The following RGS3 variants were observed in gnomAD, a reference collection of about 807,000 sequenced individuals.
RGS3 encodes the protein regulator of G-protein signalling 3.
A neutral mutation model predicts 132.6 loss-of-function variants in RGS3; 80 were observed. The observed-to-expected ratio is 0.60, with a 90% confidence interval of 0.50 to 0.73. The LOEUF is 0.73. RGS3 is among the 30% of genes least tolerant of loss of function. RGS3 has a pLI of 0.00. For synonymous variants in RGS3, 598 were observed against 620.6 expected, an observed-to-expected ratio of 0.96 and a Z score of 0.54; for missense variants, 1,382 against 1,530.8, an observed-to-expected ratio of 0.90 and a Z score of 1.62.
chr9:113,511,044 A>G (rs886629368), intron 14 of RGS3, among the ~76,000 whole-genome samples: 1 of 152,144 alleles, frequency 6.6e-6, no homozygotes, highest in Non-Finnish European at 1.5e-5. Context: ...CCTGAGTTGA[A>G]TAGGAGGGAG....
intron 7 of RGS3, among the ~76,000 whole-genome samples, chr9:113,495,165 G>T (rs568748533): frequency 1.3e-5 from 2 of 152,132 alleles, no homozygotes; most frequent in Non-Finnish European, 2.9e-5. Flanking sequence ...GTGAGCCACC[G>T]TGCCCAGCTG....
At chr9:113,535,771 C>G (rs941358316) in intron 18 of RGS3, among the ~76,000 whole-genome samples, 2 of 152,050 alleles carry the variant, frequency 1.3e-5, no homozygotes, top group East Asian at 3.8e-4. Context: ...TGGCTGAGTT[C>G]ATCTAATCGC....
chr9:113,454,479 A>C (rs1437600419), intron 1 of RGS3, among the ~76,000 whole-genome samples: 1 of 151,984 alleles, frequency 6.6e-6, no homozygotes, highest in East Asian at 1.9e-4. Flanking sequence ...GGGGTGGTGC[A>C]CACCTGTAGT....
intron 10 of RGS3, among the ~76,000 whole-genome samples, chr9:113,500,938 C>A (rs775977781): frequency 1.3e-5 from 2 of 152,172 alleles, no homozygotes; most frequent in African/African-American, 2.4e-5. Context: ...GATCCATCTG[C>A]CTTGGCCTCC....
intron 19 of RGS3, among the ~76,000 whole-genome samples, chr9:113,575,723 TGTCTC>T (rs1189381708): frequency 6.6e-6 from 1 of 152,170 alleles, no homozygotes; most frequent in Non-Finnish European, 1.5e-5. Flanking sequence ...TCTCCAGAAT[TGTCTC>T]GTCAGTCAGA....
At chr9:113,581,857 C>A in intron 19 of RGS3, 1 of 186,908 alleles carries the variant, frequency 5.4e-6, no homozygotes, top group Non-Finnish European at 1.0e-5. Context: ...AAGAAGGCCA[C>A]AGCATCAGCA....
rs114068085 is a variant in RGS3 at position 113,595,571 on chromosome 9, C to A, written c.3245-28C>A. On this transcript the variant is annotated intron_variant, in intron 23 of 24. Coordinates refer to ENST00000350696, the Ensembl canonical transcript of RGS3. ...AGGGCAGGAGAGGCTGAGTTTGCCTCTTACCCCAGGATCCGTTCTCCTCAC... is the reference window on the plus strand; with the variant it reads ...AGGGCAGGAGAGGCTGAGTTTGCCTATTACCCCAGGATCCGTTCTCCTCAC... 2,056 of 1,608,914 alleles carry A rather than the reference C, an allele frequency of 1.3e-3. 33 individuals carry two copies. The African/African-American group carries it at 0.025, about 19-fold the overall frequency.
intron 17 of RGS3, among the ~76,000 whole-genome samples, chr9:113,524,771 T>A (rs551077111): frequency 6.6e-6 from 1 of 152,330 alleles, no homozygotes; most frequent in South Asian, 2.1e-4. Context: ...TGTGAGCAGC[T>A]GCTGGACCAT....
chr9:113,513,214 AC>A (rs1393486787), intron 14 of RGS3, among the ~76,000 whole-genome samples: 3 of 152,164 alleles, frequency 2.0e-5, no homozygotes, highest in Non-Finnish European at 4.4e-5. Context: ...AAACAAAAAA[AC>A]AACAACAAAA....
intron 1 of RGS3, among the ~76,000 whole-genome samples, chr9:113,447,329 G>GTATATGTATA (rs1554751011): frequency 3.6e-5 from 1 of 27,536 alleles, no homozygotes; most frequent in African/African-American, 9.8e-5. Context: ...GTATGTATAT[G>GTATATGTATA]TATATATATA....
chr9:113,487,533 T>G (rs1443651376), intron 7 of RGS3, among the ~76,000 whole-genome samples: 1 of 152,184 alleles, frequency 6.6e-6, no homozygotes, highest in Non-Finnish European at 1.5e-5. Context: ...CAGTTAACAA[T>G]AGAGCCGGGA....
chr9:113,448,357 C>T (rs1564432536), intron 1 of RGS3, among the ~76,000 whole-genome samples: 1 of 152,148 alleles, frequency 6.6e-6, no homozygotes, highest in Non-Finnish European at 1.5e-5. Context: ...TCACCTTGTT[C>T]TATGTGCTCT....
Position 113,595,958 on chromosome 9 carries a change from C to A in RGS3, c.3411+193C>A, listed in dbSNP as rs547778566. Reference sequence around the variant, plus strand: ...CCCAGTTAGTAATAAAAATGGCCACCACCAAGGCACTGCCGCATGCCAGGC... The same window carrying A: ...CCCAGTTAGTAATAAAAATGGCCACAACCAAGGCACTGCCGCATGCCAGGC... On this transcript the variant is annotated intron_variant, in intron 24 of 24. Coordinates refer to ENST00000350696, the Ensembl canonical transcript of RGS3. 5.2e-4 allele frequency among the ~76,000 whole-genome samples: 79 copies of A among 152,368 alleles called. 2 individuals carry two copies. Among genetic ancestry groups the A allele is most frequent in the African/African-American group, 1.7e-3 (70 of 41,584 alleles).
chr9:113,560,944 C>A (rs530386085), intron 19 of RGS3, among the ~76,000 whole-genome samples: 1 of 152,324 alleles, frequency 6.6e-6, no homozygotes, highest in Middle Eastern at 3.4e-3. Flanking sequence ...CAGCTTCTGG[C>A]AGGGGCAAGG....
intron 19 of RGS3, among the ~76,000 whole-genome samples, chr9:113,562,591 AGT>A (rs1262771896): frequency 1.3e-5 from 2 of 152,174 alleles, no homozygotes; most frequent in Non-Finnish European, 2.9e-5. Context: ...GTGTCAGATA[AGT>A]GTTTGTTATG....
At chr9:113,479,603 G>C in intron 4 of RGS3, 62 bp downstream of exon 2, 10 of 1,525,228 alleles carry the variant, frequency 6.6e-6, no homozygotes, top group Non-Finnish European at 9.1e-6. Context: ...TGCTGCCTGG[G>C]GCTGGGGTTG....
chr9:113,532,830 A>G (rs1832527352), intron 18 of RGS3, among the ~76,000 whole-genome samples: 1 of 152,050 alleles, frequency 6.6e-6, no homozygotes, highest in Non-Finnish European at 1.5e-5. Context: ...GGAGGGGGAC[A>G]CCATCCTGGA....
intron 19 of RGS3, among the ~76,000 whole-genome samples, chr9:113,577,663 A>T (rs1277369909): frequency 6.6e-6 from 1 of 152,180 alleles, no homozygotes; most frequent in Non-Finnish European, 1.5e-5. Flanking sequence ...TGTCAGCAGC[A>T]TGCTAAGGCT....
chr9:113,463,988 C>G lies in RGS3; in HGVS notation c.415+1787C>G. ...GGGAGGCTGGGAGCAGGTGCTCTTT[C>G]TATCTAGGGGCACCTTCTCTGGCCC... On this transcript the variant is annotated intron_variant, in intron 3 of 24. Coordinates refer to ENST00000350696, the Ensembl canonical transcript of RGS3. The surrounding 1 kb of genome is among the most constrained non-coding windows in gnomAD (Gnocchi z 4.6). 19 of 1,186,270 alleles carry G rather than the reference C, an allele frequency of 1.6e-5. No individual in the cohort carries two copies. Among genetic ancestry groups the G allele is most frequent in the Non-Finnish European group, 2.3e-5 (19 of 833,452 alleles). 73.5% of individuals were successfully genotyped at this position (1,186,270 alleles called of 1,614,324 possible).
Sources: gnomAD v4.1 joint callset for allele counts (sites outside exome capture counted in the v4.1 genomes callset) on GRCh38, gnomAD v4.1.1 for gene constraint, Gnocchi (gnomAD v3.1) non-coding constraint, MANE v1.5 for transcripts, NCBI Gene and HGNC (gene_info 2026-07-23, HGNC 2026-07-21) for gene names.